Variants in SEPTIN9 observed in about 807,000 individuals in gnomAD.
SEPTIN9 encodes septin-9.
A neutral mutation model predicts 56.6 loss-of-function variants in SEPTIN9; 13 were observed. The ratio of observed to expected loss-of-function variants is 0.23; its 90% CI spans 0.15 to 0.37. SEPTIN9 has a LOEUF of 0.37. Ranked by LOEUF, SEPTIN9 falls within the 10% of genes least tolerant of loss-of-function variation. The probability of loss-of-function intolerance (pLI) is 1.00; values close to 1 mark genes in which losing one functional copy is unlikely to be tolerated. For missense variants in SEPTIN9, 650 were observed against 823.1 expected, an observed-to-expected ratio of 0.79 and a Z score of 2.57; for synonymous variants, 332 against 334.1, an observed-to-expected ratio of 0.99 and a Z score of 0.07.
chr17:77,426,126 G>A (rs1239841922), intron 3 of SEPTIN9, among the ~76,000 whole-genome samples: 3 of 151,980 alleles, frequency 2.0e-5, no homozygotes, highest in East Asian at 1.9e-4. Flanking sequence ...GCAGCACCCC[G>A]CCCCCCACCT....
At chr17:77,363,122 A>G (rs2034466864) in intron 2 of SEPTIN9, among the ~76,000 whole-genome samples, 1 of 152,216 alleles carries the variant, frequency 6.6e-6, no homozygotes, top group African/African-American at 2.4e-5. Context: ...GAGGCTGCCC[A>G]GGACGGTGGG....
chr17:77,284,579 C>T lies in SEPTIN9; in HGVS notation c.19+3025C>T, dbSNP rs543779105. Among the ~76,000 whole-genome samples, 7 of 152,088 alleles carry T rather than the reference C, an allele frequency of 4.6e-5. No homozygotes were observed. In the East Asian group the frequency reaches 1.2e-3, roughly 25 times the overall value. On this transcript the variant is annotated intron_variant, in intron 1 of 11. Transcript: ENST00000427177. ...TGTGGCACAAGGTTCTCACCTCATG[C>T]ATCTCATTTGCCTCATTTGTTTTTT...
intron 7 of SEPTIN9, among the ~76,000 whole-genome samples, chr17:77,489,320 G>A (rs1280727335): frequency 6.6e-6 from 1 of 152,210 alleles, no homozygotes; most frequent in Non-Finnish European, 1.5e-5. Flanking sequence ...AGGGCTGGAC[G>A]GGGCTGCTGT....
At chr17:77,458,124 C>T (rs1223721581) in intron 3 of SEPTIN9, among the ~76,000 whole-genome samples, 1 of 152,198 alleles carries the variant, frequency 6.6e-6, no homozygotes, top group Non-Finnish European at 1.5e-5. Flanking sequence ...TTTTCCTGCT[C>T]GCCAGGAATG....
chr17:77,434,337 G>A lies in SEPTIN9; in HGVS notation c.721+31634G>A, dbSNP rs955049008. On this transcript the variant is annotated intron_variant, in intron 3 of 11. Transcript: ENST00000427177. This position sits in a 1 kb window ranked among gnomAD's most constrained non-coding sequence, Gnocchi z 5.0. Reference sequence around the variant, plus strand: ...CAGGGCCTGCAGGAGCATCCTGAGAGTTGGTAGGGTGGCCTGCCCGGCGTC... The same window carrying A: ...CAGGGCCTGCAGGAGCATCCTGAGAATTGGTAGGGTGGCCTGCCCGGCGTC... Among the ~76,000 whole-genome samples the A allele has an allele frequency of 7.2e-5, 11 of 152,332 alleles. No individual in the cohort carries two copies. Among genetic ancestry groups the A allele is most frequent in the African/African-American group, 2.6e-4 (11 of 41,566 alleles).
chr17:77,452,150 G>T (rs1321960958), intron 3 of SEPTIN9, among the ~76,000 whole-genome samples: 2 of 152,194 alleles, frequency 1.3e-5, no homozygotes, highest in Non-Finnish European at 2.9e-5. Context: ...GCTGCTGGCG[G>T]GGCTGGTCTG....
chr17:77,498,423 G>T, intron 11 of SEPTIN9, 100 bp from the exon 12 acceptor site: 1 of 726,480 alleles, frequency 1.4e-6, no homozygotes, highest in Non-Finnish European at 2.4e-6. Flanking sequence ...GGTGGGGGCA[G>T]GCGGGCCTGA....
chr17:77,495,611 G>A (rs545068515), intron 10 of SEPTIN9, among the ~76,000 whole-genome samples: 38 of 152,302 alleles, frequency 2.5e-4, no homozygotes, highest in African/African-American at 7.7e-4. Context: ...TAACTTGCCC[G>A]AGCCAGGGAG....
At chr17:77,441,866 T>C (rs189737095) in intron 3 of SEPTIN9, among the ~76,000 whole-genome samples, 29 of 152,222 alleles carry the variant, frequency 1.9e-4, no homozygotes. Flanking sequence ...TCATAGACTT[T>C]GAGAAACGGG....
chr17:77,344,419 A>G (rs1253937439), intron 2 of SEPTIN9, among the ~76,000 whole-genome samples: 1 of 152,220 alleles, frequency 6.6e-6, no homozygotes, highest in African/African-American at 2.4e-5. Context: ...GGAATGTAAA[A>G]TGGTGCAGCT....
intron 2 of SEPTIN9, among the ~76,000 whole-genome samples, chr17:77,348,671 T>C (rs1212959483): frequency 6.6e-6 from 1 of 152,206 alleles, no homozygotes; most frequent in Non-Finnish European, 1.5e-5. Context: ...TATTGCACAT[T>C]CTTAGCTTTT....
In SEPTIN9 at chr17:77,429,785, C is replaced by T. The variant is rs1004403154; in HGVS notation, c.721+27082C>T. Among the ~76,000 whole-genome samples the T allele has an allele frequency of 1.3e-5, 2 of 152,070 alleles. No homozygotes were observed. Among genetic ancestry groups the T allele is most frequent in the African/African-American group, 2.4e-5 (1 of 41,404 alleles). ...TCTTAGAGACCTCAGAGCTGAGACTCGGGACCACAGAGGGGTGGGCTGTGC... is the reference window on the plus strand; with the variant it reads ...TCTTAGAGACCTCAGAGCTGAGACTTGGGACCACAGAGGGGTGGGCTGTGC... On this transcript the variant is annotated intron_variant, in intron 3 of 11. Transcript: ENST00000427177. The surrounding 1 kb of genome is among the most constrained non-coding windows in gnomAD (Gnocchi z 5.2).
intron 2 of SEPTIN9, among the ~76,000 whole-genome samples, chr17:77,331,460 C>A (rs2033353722): frequency 6.6e-6 from 1 of 152,070 alleles, no homozygotes. Context: ...GGTTATGAAG[C>A]ACTGGGCATT....
At chr17:77,440,507 T>G (rs1028436637) in intron 3 of SEPTIN9, among the ~76,000 whole-genome samples, 1 of 152,214 alleles carries the variant, frequency 6.6e-6, no homozygotes, top group Non-Finnish European at 1.5e-5. Flanking sequence ...GATGCACCTT[T>G]AGGGTTTTAA....
chr17:77,340,775 T>C (rs929106406), intron 2 of SEPTIN9, among the ~76,000 whole-genome samples: 1 of 152,244 alleles, frequency 6.6e-6, no homozygotes, highest in Non-Finnish European at 1.5e-5. Flanking sequence ...TCATCAGTGC[T>C]CTGAGCTAGA....
intron 1 of SEPTIN9, among the ~76,000 whole-genome samples, chr17:77,300,742 G>C (rs1435463055): frequency 3.9e-5 from 1 of 25,628 alleles, no homozygotes; most frequent in Non-Finnish European, 7.0e-5. Flanking sequence ...CCCCATCCCA[G>C]CTCAAACCGC....
chr17:77,385,260 T>A (rs2035295876), intron 2 of SEPTIN9, among the ~76,000 whole-genome samples: 1 of 151,244 alleles, frequency 6.6e-6, no homozygotes, highest in Non-Finnish European at 1.5e-5. Context: ...CCTCCCAGGT[T>A]CAGGTGATTC....
rs946880134 is a variant in SEPTIN9 at position 77,475,199 on chromosome 17, T to G, written c.722-6945T>G. The G allele has an allele frequency of 3.3e-6, 4 of 1,209,348 alleles. No individual in the cohort carries two copies. Among genetic ancestry groups the G allele is most frequent in the Admixed American group, 4.1e-5 (1 of 24,498 alleles). The allele number at this position is 1,209,348 out of a possible 1,614,324, so 74.9% of individuals were successfully genotyped here. On this transcript the variant is annotated intron_variant, in intron 3 of 11. Transcript: ENST00000427177. The surrounding 1 kb of genome is among the most constrained non-coding windows in gnomAD (Gnocchi z 4.6). ...GAGGTGTCTGGCTTCACAAACCCTG[T>G]GTGGGGGGGTTGTGGTGAGAGGAAA...
chr17:77,341,456 A>C (rs906729383), intron 2 of SEPTIN9, among the ~76,000 whole-genome samples: 7 of 152,326 alleles, frequency 4.6e-5, no homozygotes, highest in East Asian at 3.9e-4. Context: ...GTCATGCCCC[A>C]AAAACAACTG....
Sources: allele counts gnomAD v4.1 joint callset (sites outside exome capture counted in the v4.1 genomes callset), GRCh38; gene constraint gnomAD v4.1.1; non-coding constraint Gnocchi (gnomAD v3.1); transcripts MANE v1.5; gene names NCBI Gene and HGNC (gene_info 2026-07-23, HGNC 2026-07-21).